SLC51B: variants seen among roughly 807,000 people sequenced by gnomAD.
The protein encoded by SLC51B is SLC51 subunit beta, also known as organic solute transporter subunit beta.
Under a neutral mutation model 8.0 loss-of-function variants are expected in SLC51B, and 6 were observed. The ratio of observed to expected loss-of-function variants is 0.75; its 90% CI spans 0.41 to 1.48. The LOEUF is 1.48. Ranked by LOEUF, SLC51B falls within the 40% of genes most tolerant of loss-of-function variation. The pLI is 0.01. For synonymous variants in SLC51B, 61 were observed against 54.8 expected (o/e 1.11, Z -0.50); for missense variants, 150 against 149.7 (o/e 1.00, Z -0.01).
intron 1 of SLC51B, among the ~76,000 whole-genome samples, chr15:65,048,478 C>T (rs1251205404): frequency 6.6e-6 from 1 of 152,134 alleles, no homozygotes; most frequent in African/African-American, 2.4e-5. Flanking sequence ...TGTCCAAAGG[C>T]TATTTGGGGC....
intron 2 of SLC51B, 111 bp downstream of exon 2, chr15:65,050,212 C>A: frequency 1.2e-6 from 1 of 834,218 alleles, no homozygotes; most frequent in Non-Finnish European, 1.9e-6. Context: ...CGGTACATTT[C>A]CTCCAAGACA....
intron 1 of SLC51B, 169 bp from the exon 2 acceptor site, chr15:65,049,726 ATT>A: frequency 3.4e-6 from 1 of 298,348 alleles, no homozygotes; most frequent in Middle Eastern, 9.8e-4. Context: ...TTTAATAAAT[ATT>A]TGAGTCACTC....
Position 65,053,383 on chromosome 15 carries a change from G to C in SLC51B, c.*219G>C. The stretch of plus-strand genomic sequence containing the variant: ...TTTATTAAAATGCTCCTGGAAGGGA[G>C]CAGGTGGTATTGCATAGTTTGTTCA... On this transcript the variant is annotated 3_prime_UTR_variant, in exon 4 of 4. Transcript: ENST00000334287. The C allele has an allele frequency of 7.3e-7, 1 of 1,375,578 alleles. No individual in the cohort carries two copies. The highest frequency in any genetic ancestry group is 9.4e-7 in the Non-Finnish European group (1 of 1,068,490). The allele number at this position is 1,375,578 out of a possible 1,614,324, so 85.2% of individuals were successfully genotyped here. A position where few individuals can be genotyped will look rare whatever the true frequency, so the allele number is the denominator to read the frequency against.
rs572850288 is a variant in SLC51B, at chr15:65,045,839, C to T, written c.-109+257C>T. 1.5e-4 allele frequency among the ~76,000 whole-genome samples: 23 copies of T among 152,346 alleles called. No homozygotes were observed. In the South Asian group the frequency reaches 4.8e-3, roughly 32 times the overall value. On this transcript the variant is annotated intron_variant, in intron 1 of 3. Transcript: ENST00000334287. ...CATGCAAATGACAATATGATGCTCA[C>T]TTTAGAAGCAAACTGGATACGTGCT...
At chr15:65,047,064 A>C (rs966730887) in intron 1 of SLC51B, among the ~76,000 whole-genome samples, 1 of 152,202 alleles carries the variant, frequency 6.6e-6, no homozygotes, top group African/African-American at 2.4e-5. Flanking sequence ...ACATTTAAAA[A>C]TGCATACAAA....
intron 2 of SLC51B, among the ~76,000 whole-genome samples, 156 bp downstream of exon 2, chr15:65,050,257 G>A (rs1228226405): frequency 6.6e-6 from 1 of 152,182 alleles, no homozygotes; most frequent in Non-Finnish European, 1.5e-5. Context: ...ACCCAGAGGG[G>A]TCTGGCTGGA....
At chr15:65,051,414 T>G in intron 2 of SLC51B, 101 bp from the exon 3 acceptor site, 1 of 1,100,670 alleles carries the variant, frequency 9.1e-7, no homozygotes, top group Non-Finnish European at 1.4e-6. Flanking sequence ...CAAAGGACAG[T>G]TGATGCTGTA....
intron 1 of SLC51B, among the ~76,000 whole-genome samples, chr15:65,047,994 C>A (rs2086599438): frequency 6.6e-6 from 1 of 152,022 alleles, no homozygotes; most frequent in South Asian, 2.1e-4. Context: ...GCCTGGGAAA[C>A]ATGAGGAAAC....
At chr15:65,049,558 T>C (rs1174203663) in intron 1 of SLC51B, 2 of 153,044 alleles carry the variant, frequency 1.3e-5, no homozygotes, top group Non-Finnish European at 1.5e-5. Context: ...CAAGTTGCTA[T>C]GGCAACGCGT....
chr15:65,049,987 G>C lies in SLC51B; in HGVS notation c.-18G>C, dbSNP rs931842088. 2.6e-6 allele frequency: 4 copies of C among 1,545,998 alleles called. No homozygotes were observed. Among genetic ancestry groups the C allele is most frequent in the Admixed American group, 3.9e-5 (2 of 50,656 alleles). On this transcript the variant is annotated 5_prime_UTR_variant, in exon 2 of 4. Transcript: ENST00000334287. ...GGGGTCTAAGGACCTCGTTGCACAC[G>C]CTACCAGGAGCAGGGGCATGGAGCA...
chr15:65,052,364 G>A, intron 3 of SLC51B, among the ~76,000 whole-genome samples: 1 of 150,940 alleles, frequency 6.6e-6, no homozygotes, highest in Non-Finnish European at 1.5e-5. Flanking sequence ...GAGTCAGGAG[G>A]CTTAAGTGCA....
At chr15:65,050,169 A>G (rs1422758343) in intron 2 of SLC51B, 68 bp downstream of exon 2, 1 of 1,279,402 alleles carries the variant, frequency 7.8e-7, no homozygotes, top group Non-Finnish European at 1.1e-6. Context: ...GTTTGGCTGA[A>G]GGTCCTGACA....
chr15:65,053,236 C>G lies in SLC51B; in HGVS notation c.*72C>G, dbSNP rs2086679318. 1.0e-5 allele frequency: 16 copies of G among 1,556,354 alleles called. No homozygotes were observed. Among genetic ancestry groups the G allele is most frequent in the Non-Finnish European group, 1.4e-5 (16 of 1,156,164 alleles). The stretch of plus-strand genomic sequence containing the variant: ...CTCAGCTCAGTGGCCTGAAACCTCT[C>G]AGGTTTTAGAGTCTCTCCCAAGAAG... On this transcript the variant is annotated 3_prime_UTR_variant, in exon 4 of 4. Transcript: ENST00000334287.
intron 1 of SLC51B, among the ~76,000 whole-genome samples, chr15:65,047,479 A>C (rs1300481829): frequency 6.6e-6 from 1 of 152,242 alleles, no homozygotes; most frequent in Non-Finnish European, 1.5e-5. Context: ...GTCAACATGA[A>C]TATCCCATGT....
chr15:65,049,953 TG>T lies in SLC51B; in HGVS notation c.-48del. On this transcript the variant is annotated 5_prime_UTR_variant, in exon 2 of 4. Coordinates refer to ENST00000334287, the MANE Select transcript of SLC51B (RefSeq NM_178859.4). ...GAACCGAGGAGGCCAGGAGGGCTGC[TG>T]GGGCTAAGGGGTCTAAGGACCTCGT... The T allele has an allele frequency of 1.4e-6, 2 of 1,447,586 alleles. No individual in the cohort carries two copies. Among genetic ancestry groups the T allele is most frequent in the Non-Finnish European group, 1.9e-6 (2 of 1,063,802 alleles). 89.7% of individuals were successfully genotyped at this position (1,447,586 alleles called of 1,614,324 possible).
At chr15:65,051,634 T>C (rs750648678) in intron 3 of SLC51B, 29 bp downstream of exon 3, 1 of 1,604,946 alleles carries the variant, frequency 6.2e-7, no homozygotes, top group Non-Finnish European at 8.5e-7. Flanking sequence ...GGGGATGGGG[T>C]GGTCTCTGTG....
chr15:65,049,009 CAAA>C (rs67842486), intron 1 of SLC51B, among the ~76,000 whole-genome samples: 16 of 94,278 alleles, frequency 1.7e-4, no homozygotes, highest in Non-Finnish European at 2.5e-4. Flanking sequence ...GACTCCGTCT[CAAA>C]AAAAAAAAAA....
chr15:65,047,930 G>A (rs1228047411), intron 1 of SLC51B, among the ~76,000 whole-genome samples: 1 of 152,148 alleles, frequency 6.6e-6, no homozygotes, highest in African/African-American at 2.4e-5. Flanking sequence ...TGTATTCCTA[G>A]CATTTTGGGA....
At chr15:65,049,380 C>T (rs1388751567) in intron 1 of SLC51B, 3 of 151,802 alleles carry the variant, frequency 2.0e-5, no homozygotes, top group Non-Finnish European at 2.9e-5. Context: ...CAGGGGGTGC[C>T]CTCTCAGCAT....
Sources: gnomAD v4.1 joint callset for allele counts (sites outside exome capture counted in the v4.1 genomes callset) on GRCh38, gnomAD v4.1.1 for gene constraint, MANE v1.5 for transcripts, NCBI Gene and HGNC (gene_info 2026-07-23, HGNC 2026-07-21) for gene names.